SHTN1: variants seen among roughly 807,000 people sequenced by gnomAD.
SHTN1 encodes shootin-1.
In SHTN1, 42 loss-of-function variants were observed where a neutral mutation model predicts 83.1. The ratio of observed to expected loss-of-function variants is 0.51; its 90% CI spans 0.39 to 0.65. The LOEUF is 0.65. Among genes scored for constraint, SHTN1 ranks in the 30% least tolerant of loss-of-function variants. The probability of loss-of-function intolerance (pLI) is 0.00; values close to 1 mark genes in which losing one functional copy is unlikely to be tolerated. For synonymous variants in SHTN1, 224 were observed against 247.7 expected (o/e 0.90, Z 0.90); for missense variants, 622 against 737.8 (o/e 0.84, Z 1.82).
chr10:116,918,250 T>A (rs900029526), intron 12 of SHTN1, among the ~76,000 whole-genome samples: 2 of 152,014 alleles, frequency 1.3e-5, no homozygotes, highest in African/African-American at 4.8e-5. Context: ...TCAAGGTCAG[T>A]CTTGGATCAG....
intron 1 of SHTN1, among the ~76,000 whole-genome samples, chr10:117,117,875 A>G (rs1011427491): frequency 1.3e-5 from 2 of 152,208 alleles, no homozygotes; most frequent in Admixed American, 1.3e-4. Flanking sequence ...ATCTCTCACC[A>G]TACACAAAAA....
Position 116,940,515 on chromosome 10 carries a change from G to T in SHTN1, c.809C>A (p.Ala270Glu). 2 of 1,613,948 alleles carry T rather than the reference G, an allele frequency of 1.2e-6. No homozygotes were observed. The highest frequency in any genetic ancestry group is 1.3e-5 in the African/African-American group (1 of 74,994). ...TTCTTCAAGTTGCTGGGTGAGTTTTGCATTTTCGTCTAAAGCTTTCAAAAG... is the reference window on the plus strand; with the variant it reads ...TTCTTCAAGTTGCTGGGTGAGTTTTTCATTTTCGTCTAAAGCTTTCAAAAG... ...QQLLKALDEN[A>E]KLTQQLEEER... Residue 270 changes from alanine (A) to glutamate (E), a missense_variant, in exon 9 of 17, where the codon GCA becomes GAA. Physicochemically the swap from Ala to Glu is moderately radical, Grantham distance 107 (BLOSUM62 -1). This residue lies in a region of SHTN1 where 383 missense variants were observed against 455.8 expected (regional missense o/e 0.84). Transcript: ENST00000355371.
In SHTN1 at chr10:116,977,011, T is replaced by C. The variant is rs370434851; in HGVS notation, c.111+2245A>G. ...GTAAACAGTTAATGGGCTGAGGTAA[T>C]TTATAATCCTCCTTTTACCAAATGC... On this transcript the variant is annotated intron_variant, in intron 2 of 16. Coordinates refer to ENST00000355371, the MANE Select transcript of SHTN1 (RefSeq NM_001127211.3). 2.6e-5 allele frequency among the ~76,000 whole-genome samples: 4 copies of C among 152,322 alleles called. No homozygotes were observed. In the East Asian group the frequency reaches 5.8e-4, roughly 22 times the overall value.
intron 3 of SHTN1, among the ~76,000 whole-genome samples, chr10:116,963,174 C>A (rs1850259226): frequency 1.4e-5 from 2 of 146,098 alleles, no homozygotes; most frequent in South Asian, 4.5e-4. Context: ...CGGGTTCACG[C>A]CATTCTCCTG....
chr10:117,084,118 G>C (rs888553554), intron 1 of SHTN1, among the ~76,000 whole-genome samples: 2 of 152,076 alleles, frequency 1.3e-5, no homozygotes, highest in African/African-American at 4.8e-5. Context: ...GAGGAGAGGC[G>C]CTCTTATTTT....
At chr10:117,055,203 T>C in intron 1 of SHTN1, among the ~76,000 whole-genome samples, 1 of 152,096 alleles carries the variant, frequency 6.6e-6, no homozygotes, top group South Asian at 2.1e-4. Context: ...CATGATCCAA[T>C]CACCTCCCAC....
Position 116,911,709 on chromosome 10 carries a change from A to G in SHTN1, c.1359+81T>C, listed in dbSNP as rs982884567. On this transcript the variant is annotated intron_variant, in intron 14 of 16. Coordinates refer to ENST00000355371, the MANE Select transcript of SHTN1 (RefSeq NM_001127211.3). ...TAAATGGGAATAAAACACACCACAA[A>G]CAATTCACAAAAAACAGATTTTAAA... is the stretch of plus-strand genomic sequence containing the variant. 9 of 1,581,154 alleles carry G rather than the reference A, an allele frequency of 5.7e-6. No homozygotes were observed. The East Asian group carries it at 1.3e-4, about 24-fold the overall frequency.
chr10:116,968,614 A>C, intron 3 of SHTN1, 38 bp downstream of exon 3: 1 of 1,423,118 alleles, frequency 7.0e-7, no homozygotes, highest in Non-Finnish European at 9.9e-7. Context: ...CCAATAGGCT[A>C]TATGTGTTAT....
chr10:117,107,220 A>G (rs937616594), intron 1 of SHTN1, among the ~76,000 whole-genome samples: 1 of 152,200 alleles, frequency 6.6e-6, no homozygotes, highest in African/African-American at 2.4e-5. Flanking sequence ...GTAGAATATC[A>G]CTATACTTAT....
chr10:117,022,813 T>C (rs750703247), intron 2 of SHTN1, among the ~76,000 whole-genome samples: 12 of 152,042 alleles, frequency 7.9e-5, no homozygotes, highest in Non-Finnish European at 1.3e-4. Context: ...CCCCGCTACT[T>C]GGGAGGCTGA....
chr10:116,905,307 A>G (rs1245732645), intron 15 of SHTN1, among the ~76,000 whole-genome samples: 1 of 152,184 alleles, frequency 6.6e-6, no homozygotes, highest in African/African-American at 2.4e-5. Context: ...CACAAAATGA[A>G]TAACGATTAT....
At chr10:117,070,891 T>C (rs1767135536) in intron 1 of SHTN1, among the ~76,000 whole-genome samples, 1 of 152,010 alleles carries the variant, frequency 6.6e-6, no homozygotes, top group South Asian at 2.1e-4. Flanking sequence ...AAGAGAAGGC[T>C]GCATCATCTT....
chr10:116,887,369 G>A (rs1480996497), intron 16 of SHTN1, among the ~76,000 whole-genome samples: 1 of 152,152 alleles, frequency 6.6e-6, no homozygotes, highest in Non-Finnish European at 1.5e-5. Flanking sequence ...GCTGAGCTGC[G>A]GCCTGAAGGT....
chr10:117,010,110 CAA>C (rs1285209659), upstream of SHTN1, among the ~76,000 whole-genome samples: 1 of 151,178 alleles, frequency 6.6e-6, no homozygotes, highest in Admixed American at 6.6e-5. Context: ...AAATAAAAGA[CAA>C]TAGAAAAATA....
chr10:117,092,893 T>C (rs1485022527), intron 1 of SHTN1, among the ~76,000 whole-genome samples: 7 of 152,172 alleles, frequency 4.6e-5, no homozygotes, highest in Admixed American at 3.9e-4. Context: ...AAATGCCTGG[T>C]TGAGGGACAG....
chr10:117,089,533 G>A (rs1317646427), intron 1 of SHTN1, among the ~76,000 whole-genome samples: 1 of 152,048 alleles, frequency 6.6e-6, no homozygotes, highest in Non-Finnish European at 1.5e-5. Context: ...CGCTGGATTT[G>A]GCAATGATTT....
intron 6 of SHTN1, among the ~76,000 whole-genome samples, chr10:116,949,752 C>T (rs905477720): frequency 1.5e-4 from 23 of 152,132 alleles, no homozygotes; most frequent in African/African-American, 5.1e-4. Flanking sequence ...AGACTTTGAA[C>T]TCTGATGACT....
intron 1 of SHTN1, among the ~76,000 whole-genome samples, chr10:116,993,016 T>C (rs1309916064): frequency 5.4e-5 from 3 of 55,868 alleles, no homozygotes; most frequent in East Asian, 6.8e-4. Context: ...TTCTTTTTTT[T>C]CTTTTTTTTT....
chr10:116,949,867 TA>T (rs1044839524), intron 6 of SHTN1, among the ~76,000 whole-genome samples: 6 of 151,792 alleles, frequency 4.0e-5, no homozygotes, highest in Non-Finnish European at 7.4e-5. Context: ...AAAGTTTTTT[TA>T]AAAAAAAAGA....
Sources: gnomAD v4.1 joint callset for allele counts (sites outside exome capture counted in the v4.1 genomes callset) on GRCh38, gnomAD v4.1.1 for gene constraint, gnomAD v4.1.1 regional missense constraint, MANE v1.5 for transcripts, NCBI Gene and HGNC (gene_info 2026-07-23, HGNC 2026-07-21) for gene names.